Variants in PADI6 observed in about 807,000 individuals in gnomAD.
PADI6 encodes the protein peptidyl arginine deiminase 6.
PADI6 carries 66 observed loss-of-function variants against 78.2 expected under a neutral mutation model. The ratio of observed to expected loss-of-function variants is 0.84; its 90% confidence interval spans 0.69 to 1.04. The LOEUF (loss-of-function observed/expected upper bound fraction) is 1.04, where lower values mean the gene tolerates loss of function less well. Among genes scored for constraint, PADI6 ranks in the 50% least tolerant of loss-of-function variants. PADI6 has a pLI of 0.00. For missense variants in PADI6, 854 were observed against 866.1 expected (o/e 0.99, Z 0.18); for synonymous variants, 397 against 346.9 (o/e 1.14, Z -1.60).
chr1:17,383,360 A>G (rs981682462), intron 6 of PADI6, among the ~76,000 whole-genome samples: 8 of 152,236 alleles, frequency 5.3e-5, no homozygotes, highest in Non-Finnish European at 4.4e-5. Flanking sequence ...CACATGAGCT[A>G]GAGTGAGCCG....
rs1337154867 is a variant in PADI6 at position 17,375,418 on chromosome 1, T to C, written c.295-9T>C. ...CACTGCCTATGGTTTCGGGATGCTG[T>C]CTCCACAGGTCTCGGTCACATACTA... On this transcript the variant is annotated splice_polypyrimidine_tract_variant and intron_variant, in intron 2 of 15. Transcript: ENST00000619609. 1.2e-6 allele frequency: 2 copies of C among 1,609,086 alleles called. No individual in the cohort carries two copies. Among genetic ancestry groups the C allele is most frequent in the Admixed American group, 3.4e-5 (2 of 59,456 alleles).
chr1:17,379,409 C>T (rs1300850253), intron 3 of PADI6, among the ~76,000 whole-genome samples: 8 of 144,104 alleles, frequency 5.6e-5, no homozygotes, highest in South Asian at 2.1e-4. Context: ...CCATCGCGCC[C>T]GGCCGCCCAG....
At chr1:17,378,457 AAAT>A (rs1029362480) in intron 3 of PADI6, among the ~76,000 whole-genome samples, 2 of 152,150 alleles carry the variant, frequency 1.3e-5, no homozygotes, top group African/African-American at 4.8e-5. Flanking sequence ...TCAGCATGTC[AAAT>A]AATGAGCTGT....
intron 6 of PADI6, among the ~76,000 whole-genome samples, chr1:17,385,988 C>G (rs1007975673): frequency 1.3e-5 from 2 of 152,178 alleles, no homozygotes; most frequent in African/African-American, 2.4e-5. Flanking sequence ...GAGCCTGCTA[C>G]GACAGATGGA....
intron 11 of PADI6, 30 bp from the exon 12 acceptor site, chr1:17,394,921 C>G: frequency 6.4e-7 from 1 of 1,567,572 alleles, no homozygotes; most frequent in African/African-American, 1.3e-5. Context: ...CACACTGGCT[C>G]AAGAGCTGTT....
At chr1:17,396,054 GGT>G (rs2100323459) in intron 13 of PADI6, among the ~76,000 whole-genome samples, 1 of 152,318 alleles carries the variant, frequency 6.6e-6, no homozygotes, top group African/African-American at 2.4e-5. Context: ...GACAAGCAGA[GGT>G]GGTGTGGCTG....
Position 17,382,072 on chromosome 1 carries a change from C to G in PADI6, c.659C>G (p.Ala220Gly). The G allele has an allele frequency of 6.2e-7, 1 of 1,613,876 alleles. No homozygotes were observed. Among genetic ancestry groups the G allele is most frequent in the Middle Eastern group, 1.7e-4 (1 of 6,060 alleles). ...ACCTCCAAGGAAGAGTCGAAGAAGG[C>G]GAGAGTCTACTGGCCCCAAAGTGAG... ...LHTSKEESKKARVYWPQKDNS... is the reference protein window; with the variant it reads ...LHTSKEESKKGRVYWPQKDNS... The change falls in exon 6 of 16, where the codon GCG (alanine) becomes GGG (glycine). Residue 220 changes from alanine (A) to glycine (G), a missense_variant. Physicochemically the swap from Ala to Gly is moderately conservative, Grantham distance 60. Transcript: ENST00000619609.
chr1:17,393,862 A>G, intron 9 of PADI6, 113 bp from the exon 10 acceptor site: 1 of 849,636 alleles, frequency 1.2e-6, no homozygotes. Flanking sequence ...CTGGGTGTTG[A>G]GGGTTGAGCA....
At chr1:17,399,454 G>A (rs189816786) in intron 15 of PADI6, among the ~76,000 whole-genome samples, 44 of 152,234 alleles carry the variant, frequency 2.9e-4, no homozygotes, top group African/African-American at 8.9e-4. Context: ...AATTAGTTGG[G>A]TGTGGTAGCA....
intron 9 of PADI6, among the ~76,000 whole-genome samples, chr1:17,392,549 C>G (rs1265563106): frequency 6.6e-6 from 1 of 152,220 alleles, no homozygotes; most frequent in Admixed American, 6.5e-5. Flanking sequence ...GGGGTCCCGC[C>G]TGACTCTGGC....
chr1:17,373,356 T>A (rs2074982809), intron 2 of PADI6, 123 bp downstream of exon 2: 1 of 1,157,532 alleles, frequency 8.6e-7, no homozygotes, highest in African/African-American at 1.5e-5. Context: ...GCACGTCTGA[T>A]CTCATCCAGT....
At chr1:17,375,846 C>T (rs1350308520) in intron 3 of PADI6, among the ~76,000 whole-genome samples, 1 of 152,190 alleles carries the variant, frequency 6.6e-6, no homozygotes, top group Admixed American at 6.5e-5. Flanking sequence ...GTTAGTCTTT[C>T]TTGTCTCACT....
intron 12 of PADI6, 34 bp downstream of exon 12, chr1:17,395,141 C>T (rs1161307008): frequency 6.3e-7 from 1 of 1,576,202 alleles, no homozygotes; most frequent in East Asian, 2.3e-5. Context: ...GGACATCTGA[C>T]CCTTGCCTTC....
rs1242345398 is a variant in PADI6 at position 17,392,098 on chromosome 1, T to A, written c.963-16T>A. On this transcript the variant is annotated splice_polypyrimidine_tract_variant and intron_variant, in intron 8 of 15. Coordinates refer to ENST00000619609, the MANE Select transcript of PADI6 (RefSeq NM_207421.4). ...CTTCGAAAGCCTTCCCAGAACTGGC[T>A]TCTCTCCCATGGCAGGGAGCTGCAG... 2 of 1,551,734 alleles carry A rather than the reference T, an allele frequency of 1.3e-6. No homozygotes were observed. Among genetic ancestry groups the A allele is most frequent in the African/African-American group, 1.4e-5 (1 of 73,114 alleles).
At chr1:17,377,522 C>A (rs368552210) in intron 3 of PADI6, among the ~76,000 whole-genome samples, 1 of 152,160 alleles carries the variant, frequency 6.6e-6, no homozygotes, top group African/African-American at 2.4e-5. Context: ...CCAGCATGAT[C>A]GCTTCGGTGT....
At position 17,401,441 on chromosome 1, in the gene PADI6, C is replaced by A; in HGVS notation, c.*3C>A. The A allele has an allele frequency of 6.2e-7, 1 of 1,612,672 alleles. No individual in the cohort carries two copies. The highest frequency in any genetic ancestry group is 8.5e-7 in the Non-Finnish European group (1 of 1,179,024). On this transcript the variant is annotated 3_prime_UTR_variant, in exon 16 of 16. Coordinates refer to ENST00000619609, the MANE Select transcript of PADI6 (RefSeq NM_207421.4). ...AATGGTGGAAGATGGTACCTTAGAC[C>A]CAGGCCCTGGAGCTGCCAGCTCTGC...
chr1:17,395,135 A>G (rs1363954879), intron 12 of PADI6, 28 bp downstream of exon 12: 1 of 1,587,968 alleles, frequency 6.3e-7, no homozygotes, highest in African/African-American at 1.4e-5. Flanking sequence ...GAGAAGGGAC[A>G]TCTGACCCTT....
At chr1:17,379,078 G>T (rs933465534) in intron 3 of PADI6, among the ~76,000 whole-genome samples, 6 of 150,936 alleles carry the variant, frequency 4.0e-5, no homozygotes, top group African/African-American at 1.5e-4. Context: ...CCAAGAGGCT[G>T]GGACTACAGG....
intron 6 of PADI6, 107 bp downstream of exon 6, chr1:17,382,199 C>A: frequency 7.2e-7 from 1 of 1,383,398 alleles, no homozygotes; most frequent in South Asian, 1.4e-5. Context: ...TGCTGGAGAC[C>A]TAGAGCTGCA....
Sources: gnomAD v4.1 joint callset for allele counts (sites outside exome capture counted in the v4.1 genomes callset) on GRCh38, gnomAD v4.1.1 for gene constraint, MANE v1.5 for transcripts, NCBI Gene and HGNC (gene_info 2026-07-23, HGNC 2026-07-21) for gene names.